The following LMBR1 variants were observed in gnomAD, a reference collection of about 807,000 sequenced individuals.
LMBR1 encodes the protein limb region 1 protein homolog.
A neutral mutation model predicts 73.9 loss-of-function variants in LMBR1; 52 were observed. The ratio of observed to expected loss-of-function variants is 0.70; its 90% CI spans 0.56 to 0.89. LMBR1 has a LOEUF of 0.89. Among genes scored for constraint, LMBR1 ranks in the 40% least tolerant of loss-of-function variants. LMBR1 has a pLI of 0.00. For synonymous variants in LMBR1, 215 were observed against 209.4 expected, an observed-to-expected ratio of 1.03 and a Z score of -0.23; for missense variants, 539 against 579.8, an observed-to-expected ratio of 0.93 and a Z score of 0.72.
intron 9 of LMBR1, among the ~76,000 whole-genome samples, chr7:156,744,225 T>C (rs1819434546): frequency 6.6e-6 from 1 of 152,162 alleles, no homozygotes; most frequent in Admixed American, 6.5e-5. Context: ...GCAGTCTTTA[T>C]TCCTCCCTTA....
In LMBR1 at chr7:156,684,076, T is replaced by C. The variant is rs1475284480; in HGVS notation, c.*2A>G. On this transcript the variant is annotated 3_prime_UTR_variant, in exon 17 of 17. Transcript: ENST00000353442. ...GGTGGCAGAAGACGCCGTCTGTGCGTCTCACAGTGCTTTCTGATGCCCATT... is the reference window on the plus strand; with the variant it reads ...GGTGGCAGAAGACGCCGTCTGTGCGCCTCACAGTGCTTTCTGATGCCCATT... The C allele has an allele frequency of 6.2e-7, 1 of 1,612,328 alleles. No homozygotes were observed. Among genetic ancestry groups the C allele is most frequent in the African/African-American group, 1.3e-5 (1 of 74,886 alleles).
chr7:156,729,032 C>T (rs1816327892), intron 10 of LMBR1, among the ~76,000 whole-genome samples: 1 of 151,928 alleles, frequency 6.6e-6, no homozygotes, highest in African/African-American at 2.4e-5. Flanking sequence ...TTTGTGGAGA[C>T]AGGTTCTTGC....
chr7:156,691,488 T>C (rs1022357865), intron 15 of LMBR1, among the ~76,000 whole-genome samples: 4 of 152,216 alleles, frequency 2.6e-5, no homozygotes, highest in African/African-American at 9.7e-5. Context: ...CTGGTTTCTC[T>C]ACCTGCAATA....
At chr7:156,757,664 T>G (rs560593654) in intron 8 of LMBR1, among the ~76,000 whole-genome samples, 1 of 152,114 alleles carries the variant, frequency 6.6e-6, no homozygotes, top group Non-Finnish European at 1.5e-5. Context: ...GCAAAAAAAA[T>G]AAATTGTGAG....
At chr7:156,882,454 C>T (rs1801240352) in intron 1 of LMBR1, among the ~76,000 whole-genome samples, 2 of 151,940 alleles carry the variant, frequency 1.3e-5, no homozygotes, top group East Asian at 3.9e-4. Flanking sequence ...GGAAATTCTG[C>T]AAAATGCAAC....
intron 10 of LMBR1, 61 bp downstream of exon 10, chr7:156,734,116 G>T (rs1817395029): frequency 9.6e-7 from 1 of 1,046,454 alleles, no homozygotes; most frequent in Non-Finnish European, 1.4e-6. Flanking sequence ...TCAGACTACA[G>T]TAAAGTCTTT....
intron 1 of LMBR1, among the ~76,000 whole-genome samples, chr7:156,885,330 G>A (rs1801709391): frequency 6.6e-6 from 1 of 151,410 alleles, no homozygotes. Flanking sequence ...TCCAGCCTCG[G>A]TGACAGAGCG....
intron 10 of LMBR1, among the ~76,000 whole-genome samples, chr7:156,730,827 C>A (rs189758001): frequency 4.6e-4 from 70 of 152,200 alleles, no homozygotes; most frequent in African/African-American, 1.6e-3. Context: ...ATCCCAGTTA[C>A]TCGGGAGGCT....
intron 9 of LMBR1, among the ~76,000 whole-genome samples, chr7:156,750,394 T>G (rs1820652829): frequency 6.6e-6 from 1 of 152,158 alleles, no homozygotes; most frequent in Non-Finnish European, 1.5e-5. Flanking sequence ...TGGGCTACTC[T>G]TTAGGAGTCT....
chr7:156,780,158 A>T (rs1212531787), intron 5 of LMBR1, among the ~76,000 whole-genome samples: 1 of 152,214 alleles, frequency 6.6e-6, no homozygotes, highest in Non-Finnish European at 1.5e-5. Flanking sequence ...TAAAACAGTG[A>T]AATGTTTTTT....
intron 1 of LMBR1, among the ~76,000 whole-genome samples, chr7:156,889,659 A>C (rs1269500899): frequency 6.6e-6 from 1 of 152,174 alleles, no homozygotes; most frequent in African/African-American, 2.4e-5. Flanking sequence ...ATCGGTACCA[A>C]AACCGTTTTC....
At chr7:156,692,446 T>C (rs1408316945) in intron 15 of LMBR1, among the ~76,000 whole-genome samples, 1 of 152,238 alleles carries the variant, frequency 6.6e-6, no homozygotes, top group Non-Finnish European at 1.5e-5. Context: ...GGAGATATAC[T>C]TATTGACTTC....
At chr7:156,858,628 A>G (rs988959992) in intron 1 of LMBR1, among the ~76,000 whole-genome samples, 2 of 152,210 alleles carry the variant, frequency 1.3e-5, no homozygotes, top group African/African-American at 4.8e-5. Context: ...CTACAGACAA[A>G]TCTCTCTCAT....
At chr7:156,786,074 T>A (rs1828017226) in intron 5 of LMBR1, among the ~76,000 whole-genome samples, 1 of 150,436 alleles carries the variant, frequency 6.6e-6, no homozygotes, top group Non-Finnish European at 1.5e-5. Context: ...TGGGAAAATG[T>A]CCAAGGAAAG....
chr7:156,838,470 T>C (rs1283687018), intron 1 of LMBR1, among the ~76,000 whole-genome samples: 1 of 152,186 alleles, frequency 6.6e-6, no homozygotes, highest in African/African-American at 2.4e-5. Flanking sequence ...GAAGTATTTG[T>C]CTTTCTGTGT....
At chr7:156,775,582 C>T (rs181458720) in intron 5 of LMBR1, among the ~76,000 whole-genome samples, 48 of 152,106 alleles carry the variant, frequency 3.2e-4, no homozygotes, top group East Asian at 3.1e-3. Context: ...AACAGTATGA[C>T]CTATTTTTAA....
downstream of LMBR1, among the ~76,000 whole-genome samples, chr7:156,673,680 T>C (rs1254021383): frequency 6.6e-6 from 1 of 152,168 alleles, no homozygotes; most frequent in Non-Finnish European, 1.5e-5. Context: ...GTTCACAGAA[T>C]GTTCTTTACT....
chr7:156,803,864 C>A (rs369789364), intron 4 of LMBR1, among the ~76,000 whole-genome samples: 4,389 of 150,780 alleles, frequency 0.029, 96 homozygotes, highest in South Asian at 0.072. Flanking sequence ...GAAACTGGAA[C>A]CCATCATTCT....
chr7:156,692,434 T>C (rs1028563460), intron 15 of LMBR1, among the ~76,000 whole-genome samples: 9 of 152,212 alleles, frequency 5.9e-5, no homozygotes, highest in African/African-American at 1.9e-4. Context: ...ATTATATCAA[T>C]TGGAGATATA....
Sources: gnomAD v4.1 joint callset for allele counts (sites outside exome capture counted in the v4.1 genomes callset) on GRCh38, gnomAD v4.1.1 for gene constraint, MANE v1.5 for transcripts, NCBI Gene and HGNC (gene_info 2026-07-23, HGNC 2026-07-21) for gene names.